MARCHF1: variants seen among roughly 807,000 people sequenced by gnomAD.
The protein encoded by MARCHF1 is E3 ubiquitin-protein ligase MARCHF1.
Under a neutral mutation model 54.2 loss-of-function variants are expected in MARCHF1, and 40 were observed. The observed-to-expected ratio is 0.74, with a 90% CI of 0.57 to 0.96. MARCHF1 has a LOEUF of 0.96. Ranked by LOEUF, MARCHF1 falls within the 40% of genes least tolerant of loss-of-function variation. The pLI is 0.00. For missense variants in MARCHF1, 586 were observed against 656.5 expected, an observed-to-expected ratio of 0.89 and a Z score of 1.17; for synonymous variants, 236 against 236.3, an observed-to-expected ratio of 1.00 and a Z score of 0.01.
At chr4:164,362,244 T>C (rs1006002125) in intron 1 of MARCHF1, among the ~76,000 whole-genome samples, 1 of 152,166 alleles carries the variant, frequency 6.6e-6, no homozygotes, top group African/African-American at 2.4e-5. Flanking sequence ...CAGAGATACA[T>C]ACTTTTAAAA....
chr4:164,257,636 T>A (rs947006196), intron 1 of MARCHF1, among the ~76,000 whole-genome samples: 5 of 151,982 alleles, frequency 3.3e-5, no homozygotes, highest in Admixed American at 6.6e-5. Flanking sequence ...GTATATTTTT[T>A]AATGTTTAAT....
intron 3 of MARCHF1, among the ~76,000 whole-genome samples, chr4:163,859,136 C>T (rs1749851207): frequency 6.6e-6 from 1 of 152,078 alleles, no homozygotes. Context: ...GGCTTAAATT[C>T]TTGGTGCTTT....
intron 1 of MARCHF1, among the ~76,000 whole-genome samples, chr4:164,241,483 C>G (rs1450333409): frequency 6.6e-6 from 1 of 152,094 alleles, no homozygotes; most frequent in African/African-American, 2.4e-5. Context: ...GCCTTCCCTT[C>G]CCAGTATACA....
At chr4:163,693,154 A>AT (rs774368605) in intron 5 of MARCHF1, among the ~76,000 whole-genome samples, 19 of 151,436 alleles carry the variant, frequency 1.3e-4, no homozygotes, top group Non-Finnish European at 1.2e-4. Flanking sequence ...AAGGGCCAAT[A>AT]ATCTGAATGC....
chr4:164,154,706 G>A (rs1730031257), intron 1 of MARCHF1, among the ~76,000 whole-genome samples: 1 of 152,202 alleles, frequency 6.6e-6, no homozygotes, highest in Non-Finnish European at 1.5e-5. Flanking sequence ...GTGGGTGTGT[G>A]TTACAGTGCA....
chr4:164,130,834 T>C (rs62350025), intron 1 of MARCHF1, among the ~76,000 whole-genome samples: 68,149 of 152,020 alleles, frequency 0.45, 16,476 homozygotes, highest in Non-Finnish European at 0.53. Context: ...TTGATGTCGT[T>C]ATATGTTACA....
At chr4:164,367,681 C>A (rs79848883) in intron 1 of MARCHF1, among the ~76,000 whole-genome samples, 2,311 of 150,720 alleles carry the variant, frequency 0.015, 87 homozygotes, top group East Asian at 0.13. Flanking sequence ...CAATTTTCTA[C>A]AACGTTTGTT....
chr4:163,582,768 C>CAAAAA (rs57140017), intron 8 of MARCHF1, among the ~76,000 whole-genome samples: 4 of 150,022 alleles, frequency 2.7e-5, no homozygotes, highest in Admixed American at 1.3e-4. Flanking sequence ...TTAAAAACTA[C>CAAAAA]AAAAAAAAAA....
At chr4:164,038,115 T>C (rs1486488351) in intron 2 of MARCHF1, among the ~76,000 whole-genome samples, 1 of 152,180 alleles carries the variant, frequency 6.6e-6, no homozygotes, top group South Asian at 2.1e-4. Flanking sequence ...TTCCAATATG[T>C]TACAATTAGA....
intron 5 of MARCHF1, among the ~76,000 whole-genome samples, chr4:163,639,700 T>C (rs1742484184): frequency 6.6e-6 from 1 of 152,074 alleles, no homozygotes; most frequent in South Asian, 2.1e-4. Flanking sequence ...CTATTTGGAC[T>C]TTCAGACAGA....
intron 3 of MARCHF1, among the ~76,000 whole-genome samples, chr4:163,930,415 A>G (rs552996325): frequency 6.6e-6 from 1 of 151,788 alleles, no homozygotes; most frequent in East Asian, 1.9e-4. Flanking sequence ...CATGAGGTCC[A>G]GGTGAGGATG....
intron 3 of MARCHF1, among the ~76,000 whole-genome samples, chr4:163,952,097 T>A (rs1408420894): frequency 6.6e-6 from 1 of 152,178 alleles, no homozygotes; most frequent in African/African-American, 2.4e-5. Flanking sequence ...AAATCGCTTG[T>A]TTTTCCCCAA....
chr4:164,106,606 G>T (rs1755705995), intron 2 of MARCHF1, among the ~76,000 whole-genome samples: 2 of 146,874 alleles, frequency 1.4e-5, no homozygotes, highest in South Asian at 2.2e-4. Flanking sequence ...TCACACTCTG[G>T]GGACTGTTGT....
At chr4:163,924,206 G>A (rs1484328269) in intron 3 of MARCHF1, among the ~76,000 whole-genome samples, 2 of 152,040 alleles carry the variant, frequency 1.3e-5, no homozygotes, top group Non-Finnish European at 2.9e-5. Context: ...AGCACAGCAT[G>A]CTTTGCAATT....
intron 4 of MARCHF1, among the ~76,000 whole-genome samples, chr4:163,817,033 T>C (rs1390018220): frequency 1.3e-5 from 2 of 152,112 alleles, no homozygotes; most frequent in African/African-American, 4.8e-5. Context: ...CAGATCCCAA[T>C]TTTATTCACC....
intron 4 of MARCHF1, among the ~76,000 whole-genome samples, chr4:163,834,082 G>A (rs1292832184): frequency 6.6e-6 from 1 of 152,118 alleles, no homozygotes; most frequent in Non-Finnish European, 1.5e-5. Flanking sequence ...TGGTTTTGTT[G>A]CAAGGAGAAA....
At chr4:163,714,268 CA>C (rs1257621554) in intron 4 of MARCHF1, among the ~76,000 whole-genome samples, 3 of 152,132 alleles carry the variant, frequency 2.0e-5, no homozygotes, top group African/African-American at 7.2e-5. Context: ...GGGGCCATTC[CA>C]AATAAATATG....
At chr4:163,734,479 T>G (rs894901252) in intron 4 of MARCHF1, among the ~76,000 whole-genome samples, 6 of 149,808 alleles carry the variant, frequency 4.0e-5, no homozygotes, top group African/African-American at 1.5e-4. Context: ...CAAAAATGAA[T>G]GAACGGCTGA....
intron 2 of MARCHF1, among the ~76,000 whole-genome samples, chr4:164,034,662 A>G (rs1753955677): frequency 6.6e-6 from 1 of 152,142 alleles, no homozygotes; most frequent in African/African-American, 2.4e-5. Flanking sequence ...ATTACCTGAT[A>G]ATAGCTTTAT....
Sources: allele counts gnomAD v4.1 joint callset (sites outside exome capture counted in the v4.1 genomes callset), GRCh38; gene constraint gnomAD v4.1.1; transcripts MANE v1.5; gene names NCBI Gene and HGNC (gene_info 2026-07-23, HGNC 2026-07-21).